The following FAM118B variants were observed in gnomAD, a reference collection of about 807,000 sequenced individuals.
FAM118B encodes protein FAM118B.
A neutral mutation model predicts 38.5 loss-of-function variants in FAM118B; 24 were observed. The ratio of observed to expected loss-of-function variants is 0.62; its 90% CI spans 0.45 to 0.88. FAM118B has a LOEUF of 0.88. Among genes scored for constraint, FAM118B ranks in the 40% least tolerant of loss-of-function variants. The pLI is 0.00. For missense variants in FAM118B, 334 were observed against 420.0 expected (o/e 0.80, Z 1.79); for synonymous variants, 138 against 156.3 (o/e 0.88, Z 0.87).
chr11:126,217,225 C>T (rs919390772), intron 1 of FAM118B, among the ~76,000 whole-genome samples: 2 of 152,184 alleles, frequency 1.3e-5, no homozygotes, highest in African/African-American at 2.4e-5. Flanking sequence ...TGAGAGTCTG[C>T]TGTATCTTCT....
chr11:126,224,723 C>A (rs975201076), intron 1 of FAM118B, among the ~76,000 whole-genome samples: 4 of 152,104 alleles, frequency 2.6e-5, no homozygotes, highest in African/African-American at 9.7e-5. Context: ...CAAAGGAAAA[C>A]CCCAAGGTCG....
rs78454345 is a variant in FAM118B at position 126,212,472 on chromosome 11, C to T, written c.-77+642C>T. ...AGATGCGATGTTGGGATTCCCTTGC[C>T]CGAACTGCAGGCGACTCCCTCTGAT... is the stretch of plus-strand genomic sequence containing the variant. On this transcript the variant is annotated intron_variant, in intron 1 of 8. Transcript: ENST00000533050. Among the ~76,000 whole-genome samples, 1,296 of 152,296 alleles carry T rather than the reference C, an allele frequency of 8.5e-3. 21 individuals carry two copies. The highest frequency in any genetic ancestry group is 0.028 in the African/African-American group (1,151 of 41,550).
At chr11:126,232,047 T>C (rs1039154311) in intron 2 of FAM118B, among the ~76,000 whole-genome samples, 5 of 152,218 alleles carry the variant, frequency 3.3e-5, no homozygotes, top group African/African-American at 1.2e-4. Context: ...GTTTTGGACT[T>C]TAAGTTTTTT....
At chr11:126,243,828 C>G (rs537502809) in intron 4 of FAM118B, among the ~76,000 whole-genome samples, 1 of 150,644 alleles carries the variant, frequency 6.6e-6, no homozygotes, top group Admixed American at 6.7e-5. Flanking sequence ...TGCTGGAACC[C>G]GGGAGGCAGG....
chr11:126,250,867 G>T lies in FAM118B; in HGVS notation c.567+134G>T. ...AATTTTTTCCCTGGTTGGAGTTTTT[G>T]TTTTTCTTTTTTCTTTCTTTTTAAA... On this transcript the variant is annotated intron_variant, in intron 5 of 8. Coordinates refer to ENST00000533050, the MANE Select transcript of FAM118B (RefSeq NM_024556.4). This position sits in a 1 kb window ranked among gnomAD's most constrained non-coding sequence, Gnocchi z 5.1. 1 of 638,972 alleles carries T rather than the reference G, an allele frequency of 1.6e-6. No individual in the cohort carries two copies. 39.6% of individuals were successfully genotyped at this position (638,972 alleles called of 1,614,324 possible).
intron 5 of FAM118B, among the ~76,000 whole-genome samples, chr11:126,251,693 T>TG (rs1439703857): frequency 6.6e-6 from 1 of 152,142 alleles, no homozygotes; most frequent in Non-Finnish European, 1.5e-5. Context: ...TCCAGTCTCT[T>TG]GTCCGTTTCC....
Position 126,249,731 on chromosome 11 carries a change from C to CAAAAAAAAAA in FAM118B, c.340-761_340-752dup, listed in dbSNP as rs71048775. On this transcript the variant is annotated intron_variant, in intron 4 of 8. Transcript: ENST00000533050. ...TGGGTGACAGAATGAGACTCCGTCT[C>CAAAAAAAAAA]AAAAAAAAAAAAAAAAAAAAAAAGA... Among the ~76,000 whole-genome samples, 23 of 79,008 alleles carry CAAAAAAAAAA rather than the reference C, an allele frequency of 2.9e-4. 1 individual carries two copies. The highest frequency in any genetic ancestry group is 4.8e-4 in the Non-Finnish European group (21 of 43,548). The allele number at this position is 79,008 out of a possible 152,430, so 51.8% of individuals were successfully genotyped here. A position where few individuals can be genotyped will look rare whatever the true frequency, so the allele number is the denominator to read the frequency against.
chr11:126,219,349 C>CTTTTTTTTTTTTTTTTTTTTTTT lies in FAM118B; in HGVS notation c.-77+7537_-77+7559dup, dbSNP rs549922825. The stretch of plus-strand genomic sequence containing the variant: ...AGCTTATCCTTCAGCTCTTGTTTAT[C>CTTTTTTTTTTTTTTTTTTTTTTT]TTTTTTTTTTTTTTTTTTTTTTTTT... On this transcript the variant is annotated intron_variant, in intron 1 of 8. Transcript: ENST00000533050. Among the ~76,000 whole-genome samples the CTTTTTTTTTTTTTTTTTTTTTTT allele has an allele frequency of 4.0e-4, 18 of 44,464 alleles. 2 individuals are homozygous for CTTTTTTTTTTTTTTTTTTTTTTT. The highest frequency in any genetic ancestry group is 5.8e-4 in the Non-Finnish European group (15 of 25,870). 29.2% of individuals were successfully genotyped at this position (44,464 alleles called of 152,430 possible).
At position 126,256,290 on chromosome 11, in the gene FAM118B, TAAAG is replaced by T. The variant is rs1330512671; in HGVS notation, c.697-274_697-271del. 1.3e-5 allele frequency among the ~76,000 whole-genome samples: 2 copies of T among 152,082 alleles called. No individual in the cohort carries two copies. Among genetic ancestry groups the T allele is most frequent in the Non-Finnish European group, 1.5e-5 (1 of 67,998 alleles). On this transcript the variant is annotated intron_variant, in intron 6 of 8. Coordinates refer to ENST00000533050, the MANE Select transcript of FAM118B (RefSeq NM_024556.4). The surrounding 1 kb of genome is among the most constrained non-coding windows in gnomAD (Gnocchi z 6.6). ...CAAAAAATATATAAAGCATAAAAAA[TAAAG>T]AAGTAAACTACTGCACCAGTACACT...
At chr11:126,245,306 A>G (rs1591519889) in intron 4 of FAM118B, 1 of 151,916 alleles carries the variant, frequency 6.6e-6, no homozygotes, top group Non-Finnish European at 1.5e-5. Context: ...AAAACTTCAT[A>G]TGAAATTACA....
Position 126,256,817 on chromosome 11 carries a change from G to A in FAM118B, c.947G>A (p.Arg316Gln), listed in dbSNP as rs180953673. 245 of 1,612,100 alleles carry A rather than the reference G, an allele frequency of 1.5e-4. 2 individuals carry two copies. The Admixed American group carries it at 2.3e-3, about 15-fold the overall frequency. Reference sequence around the variant, plus strand: ...GCCGATCTTCCAGAATATTTCAAGCGACTGACATGTGAGATCTCCACAAGG... The same window carrying A: ...GCCGATCTTCCAGAATATTTCAAGCAACTGACATGTGAGATCTCCACAAGG... ...DYADLPEYFK[R>Q]LTCEISTRGT... Residue 316 changes from arginine (R) to glutamine (Q), a missense_variant, in exon 7 of 9, where the codon CGA (arginine) becomes CAA (glutamine). Around this residue, in one of 3 missense-constraint regions of FAM118B, gnomAD observed 88 missense variants for 98.1 expected, o/e 0.90. Transcript: ENST00000533050. The surrounding 1 kb of genome is among the most constrained non-coding windows in gnomAD (Gnocchi z 6.6).
chr11:126,254,166 T>G, intron 5 of FAM118B, 139 bp from the exon 6 acceptor site: 3 of 1,010,342 alleles, frequency 3.0e-6, no homozygotes, highest in Non-Finnish European at 4.2e-6. Flanking sequence ...CACATCAGGT[T>G]TTGCATTCTT....
intron 2 of FAM118B, among the ~76,000 whole-genome samples, chr11:126,230,646 T>C (rs928479372): frequency 1.3e-5 from 2 of 152,196 alleles, no homozygotes; most frequent in Non-Finnish European, 2.9e-5. Context: ...TTTCTCTCCA[T>C]TTGATTTATT....
chr11:126,261,363 T>G, intron 7 of FAM118B, 62 bp from the exon 8 acceptor site: 1 of 1,418,344 alleles, frequency 7.1e-7, no homozygotes, highest in Non-Finnish European at 1.0e-6. Flanking sequence ...TTTAGTTTTC[T>G]TTTTGCTATT....
chr11:126,233,731 T>A, intron 2 of FAM118B: 4 of 456,512 alleles, frequency 8.8e-6, no homozygotes, highest in South Asian at 6.2e-5. Context: ...GGTGAGGATG[T>A]GAGCCTTCTG....
At position 126,248,677 on chromosome 11, in the gene FAM118B, G is replaced by A. The variant is rs55999166; in HGVS notation, c.340-1829G>A. 4.6e-3 allele frequency among the ~76,000 whole-genome samples: 694 copies of A among 152,112 alleles called. 4 individuals are homozygous for A. The highest frequency in any genetic ancestry group is 0.015 in the African/African-American group (615 of 41,516). On this transcript the variant is annotated intron_variant, in intron 4 of 8. Transcript: ENST00000533050. ...GAGCCAGCACGCCCGGCCCAGACTC[G>A]CTTTTATAACTGACACACTTAGGAT...
chr11:126,226,744 G>T (rs186320003), intron 1 of FAM118B, among the ~76,000 whole-genome samples: 10 of 152,218 alleles, frequency 6.6e-5, no homozygotes, highest in African/African-American at 2.4e-4. Flanking sequence ...CTTTGGGAGG[G>T]CTGAGGCAGG....
At chr11:126,214,132 A>T (rs1435605211) in intron 1 of FAM118B, 1 of 151,396 alleles carries the variant, frequency 6.6e-6, no homozygotes, top group African/African-American at 2.4e-5. Flanking sequence ...GCAGATCACG[A>T]GGTCAGGAGA....
chr11:126,250,233 A>G lies in FAM118B; in HGVS notation c.340-273A>G, dbSNP rs1224797771. On this transcript the variant is annotated intron_variant, in intron 4 of 8. Transcript: ENST00000533050. The surrounding 1 kb of genome is among the most constrained non-coding windows in gnomAD (Gnocchi z 5.1). Reference sequence around the variant, plus strand: ...CAGCCTCCCAAGTAGCTGGGACTACAGGCGCCTGTCACCACGCCCTGCTAA... The same window carrying G: ...CAGCCTCCCAAGTAGCTGGGACTACGGGCGCCTGTCACCACGCCCTGCTAA... Among the ~76,000 whole-genome samples the G allele has an allele frequency of 2.0e-5, 3 of 151,916 alleles. No individual in the cohort carries two copies. The highest frequency in any genetic ancestry group is 3.9e-4 in the East Asian group (2 of 5,158).
Sources: gnomAD v4.1 joint callset for allele counts (sites outside exome capture counted in the v4.1 genomes callset) on GRCh38, gnomAD v4.1.1 for gene constraint, gnomAD v4.1.1 regional missense constraint, Gnocchi (gnomAD v3.1) non-coding constraint, MANE v1.5 for transcripts, NCBI Gene and HGNC (gene_info 2026-07-23, HGNC 2026-07-21) for gene names.